The following RBFOX1 variants were observed in gnomAD, a reference collection of about 807,000 sequenced individuals.
RBFOX1 encodes the protein RNA binding protein fox-1 homolog 1.
Under a neutral mutation model 57.7 loss-of-function variants are expected in RBFOX1, and 8 were observed. The ratio of observed to expected loss-of-function variants is 0.14; its 90% CI spans 0.08 to 0.25. The LOEUF (loss-of-function observed/expected upper bound fraction) is 0.25. RBFOX1 is among the 10% of genes least tolerant of loss of function. The pLI is 1.00. For synonymous variants in RBFOX1, 326 were observed against 222.4 expected (o/e 1.47, Z -4.15); for missense variants, 611 against 548.5 (o/e 1.11, Z -1.14).
At chr16:6,685,273 CTTT>C (rs202226687) in intron 3 of RBFOX1, among the ~76,000 whole-genome samples, 2 of 111,574 alleles carry the variant, frequency 1.8e-5, no homozygotes, top group African/African-American at 7.2e-5. Flanking sequence ...GAGAGTTTTT[CTTT>C]TTTTTTTTTT....
chr16:7,700,322 G>A (rs1238212970), intron 14 of RBFOX1, among the ~76,000 whole-genome samples: 4 of 152,042 alleles, frequency 2.6e-5, no homozygotes, highest in African/African-American at 9.7e-5. Context: ...CTGTAGCCTT[G>A]TACGATGAGG....
At chr16:7,400,743 T>C (rs1395162164) in intron 4 of RBFOX1, among the ~76,000 whole-genome samples, 1 of 152,188 alleles carries the variant, frequency 6.6e-6, no homozygotes. Context: ...ACCATCAGTC[T>C]GCAGTAATCC....
At chr16:6,161,205 A>G (rs983019482) in intron 1 of RBFOX1, among the ~76,000 whole-genome samples, 21 of 152,124 alleles carry the variant, frequency 1.4e-4, no homozygotes, top group African/African-American at 4.6e-4. Context: ...CCTGGCCAAC[A>G]TGGTGAAACC....
intron 3 of RBFOX1, among the ~76,000 whole-genome samples, chr16:5,694,837 G>A (rs933445220): frequency 6.6e-6 from 1 of 151,558 alleles, no homozygotes; most frequent in Non-Finnish European, 1.5e-5. Context: ...CAATTGGAGC[G>A]ATGGGGAGAT....
intron 3 of RBFOX1, among the ~76,000 whole-genome samples, chr16:6,833,799 G>C (rs1380391339): frequency 6.6e-6 from 1 of 152,156 alleles, no homozygotes; most frequent in East Asian, 1.9e-4. Context: ...CTAGCATTGA[G>C]GTTGATGGGT....
chr16:6,604,189 C>T (rs1298359865), intron 2 of RBFOX1, among the ~76,000 whole-genome samples: 2 of 151,584 alleles, frequency 1.3e-5, no homozygotes, highest in South Asian at 2.1e-4. Flanking sequence ...ATCAACCCAG[C>T]AATTCCTACT....
intron 3 of RBFOX1, among the ~76,000 whole-genome samples, chr16:5,758,472 A>G (rs1344336601): frequency 6.6e-6 from 1 of 152,190 alleles, no homozygotes; most frequent in African/African-American, 2.4e-5. Context: ...AAAGCGCAGC[A>G]CAGTGGCCCT....
In RBFOX1 at chr16:6,856,293, T is replaced by C. The variant is rs1012593356; in HGVS notation, c.-15-195764T>C. Among the ~76,000 whole-genome samples the C allele has an allele frequency of 2.6e-5, 4 of 152,242 alleles. No homozygotes were observed. In the East Asian group the frequency reaches 7.7e-4, roughly 29 times the overall value. ...GTAGGTGTTTTATTGTTGAGTATGA[T>C]GATGTAGGAGTTCTATTCCCAATTC... On this transcript the variant is annotated intron_variant, in intron 3 of 15. Coordinates refer to ENST00000550418, the MANE Select transcript of RBFOX1 (RefSeq NM_018723.4).
intron 3 of RBFOX1, among the ~76,000 whole-genome samples, chr16:6,891,076 T>C (rs759999494): frequency 4.6e-5 from 7 of 152,220 alleles, no homozygotes; most frequent in Non-Finnish European, 8.8e-5. Context: ...CACAATTGTT[T>C]GTTGACACCA....
chr16:5,700,797 A>C (rs1327036883), intron 3 of RBFOX1, among the ~76,000 whole-genome samples: 1 of 152,186 alleles, frequency 6.6e-6, no homozygotes, highest in African/African-American at 2.4e-5. Context: ...TGAATTCTTC[A>C]GTTATCCTTC....
intron 1 of RBFOX1, among the ~76,000 whole-genome samples, chr16:5,437,702 C>T (rs1362867287): frequency 6.6e-6 from 1 of 152,106 alleles, no homozygotes; most frequent in East Asian, 1.9e-4. Context: ...TTTATGCCTA[C>T]AAAAAAATAT....
chr16:7,111,502 TCTG>T (rs1456188666), intron 4 of RBFOX1, among the ~76,000 whole-genome samples: 2 of 152,186 alleles, frequency 1.3e-5, no homozygotes, highest in African/African-American at 4.8e-5. Context: ...GGAATACAGT[TCTG>T]CTGTTGGGGG....
intron 4 of RBFOX1, among the ~76,000 whole-genome samples, chr16:7,150,096 C>T (rs1043377733): frequency 6.6e-6 from 1 of 152,200 alleles, no homozygotes; most frequent in Non-Finnish European, 1.5e-5. Flanking sequence ...TCTTCCCTCT[C>T]TCTTTCCTTG....
At chr16:7,523,954 C>G (rs2078091987) in intron 5 of RBFOX1, among the ~76,000 whole-genome samples, 1 of 152,180 alleles carries the variant, frequency 6.6e-6, no homozygotes, top group South Asian at 2.1e-4. Flanking sequence ...AATTTAACCT[C>G]AAAGTGGGTC....
intron 4 of RBFOX1, among the ~76,000 whole-genome samples, chr16:7,406,263 C>T (rs1351654060): frequency 6.6e-6 from 1 of 152,150 alleles, no homozygotes; most frequent in Non-Finnish European, 1.5e-5. Context: ...ATGCCATGGG[C>T]CTACTATGTG....
At chr16:6,915,250 A>C (rs1185893981) in intron 3 of RBFOX1, among the ~76,000 whole-genome samples, 1 of 152,074 alleles carries the variant, frequency 6.6e-6, no homozygotes, top group Non-Finnish European at 1.5e-5. Flanking sequence ...GGTCCTCAGC[A>C]TTTCTACTAA....
rs142011292 is a variant in RBFOX1, at chr16:6,253,908, C to T, written c.-126-63087C>T. Among the ~76,000 whole-genome samples the T allele has an allele frequency of 2.1e-4, 32 of 152,048 alleles. No homozygotes were observed. In the East Asian group the frequency reaches 5.2e-3, roughly 25 times the overall value. ...GTCACAACAGCAATTGGAATAAAAC[C>T]CCAAAGAGTAGTGCAGAGAATATAA... On this transcript the variant is annotated intron_variant, in intron 1 of 15. Coordinates refer to ENST00000550418, the MANE Select transcript of RBFOX1 (RefSeq NM_018723.4).
rs1280920945 is a variant in RBFOX1, at chr16:6,410,010, T to C, written c.-64+92953T>C. Among the ~76,000 whole-genome samples the C allele has an allele frequency of 8.5e-5, 13 of 152,148 alleles. No individual in the cohort carries two copies. In the East Asian group the frequency reaches 2.3e-3, roughly 27 times the overall value. On this transcript the variant is annotated intron_variant, in intron 2 of 15. Coordinates refer to ENST00000550418, the MANE Select transcript of RBFOX1 (RefSeq NM_018723.4). ...CTTTACCTGTCTTGCCTGTTCAATT[T>C]GTCCTCTACGAGGCAAAGGTGAGAC...
chr16:6,679,796 T>C (rs2058336292), intron 3 of RBFOX1, among the ~76,000 whole-genome samples: 1 of 152,060 alleles, frequency 6.6e-6, no homozygotes, highest in Non-Finnish European at 1.5e-5. Flanking sequence ...AAGTTCAGTT[T>C]GTCCAGTATT....
Sources: gnomAD v4.1 joint callset for allele counts (sites outside exome capture counted in the v4.1 genomes callset) on GRCh38, gnomAD v4.1.1 for gene constraint, MANE v1.5 for transcripts, NCBI Gene and HGNC (gene_info 2026-07-23, HGNC 2026-07-21) for gene names.